CNTNAP5: variants seen among roughly 807,000 people sequenced by gnomAD.
The protein encoded by CNTNAP5 is contactin associated protein family member 5.
Under a neutral mutation model 150.2 loss-of-function variants are expected in CNTNAP5, and 72 were observed. The observed-to-expected ratio is 0.48, with a 90% CI of 0.40 to 0.58. The LOEUF is 0.58. CNTNAP5 is among the 20% of genes least tolerant of loss of function. CNTNAP5 has a pLI of 0.00. For synonymous variants in CNTNAP5, 672 were observed against 619.8 expected (o/e 1.08, Z -1.25); for missense variants, 1,636 against 1,626.2 (o/e 1.01, Z -0.10).
chr2:124,230,679 A>G (rs1185764209), intron 2 of CNTNAP5, among the ~76,000 whole-genome samples: 1 of 151,810 alleles, frequency 6.6e-6, no homozygotes, highest in Non-Finnish European at 1.5e-5. Context: ...CTACAGGTGC[A>G]TGCCACTGTG....
intron 3 of CNTNAP5, among the ~76,000 whole-genome samples, chr2:124,396,272 T>C (rs1378177367): frequency 1.3e-5 from 2 of 152,208 alleles, no homozygotes; most frequent in Non-Finnish European, 2.9e-5. Context: ...AAGCAAAGTA[T>C]AAACAGGGCC....
chr2:124,148,314 A>T (rs1029544037), intron 1 of CNTNAP5, among the ~76,000 whole-genome samples: 2 of 150,908 alleles, frequency 1.3e-5, no homozygotes, highest in Non-Finnish European at 2.9e-5. Context: ...AAAAAGAAAG[A>T]AAAAAAAGAA....
At chr2:124,178,899 TTTTA>T (rs1685133260) in intron 1 of CNTNAP5, among the ~76,000 whole-genome samples, 3 of 147,760 alleles carry the variant, frequency 2.0e-5, no homozygotes, top group Admixed American at 1.4e-4. Context: ...GCTCTCTGAT[TTTTA>T]TTTGTTATTT....
At chr2:124,648,644 AC>A (rs1223657624) in intron 13 of CNTNAP5, among the ~76,000 whole-genome samples, 1 of 152,234 alleles carries the variant, frequency 6.6e-6, no homozygotes, top group African/African-American at 2.4e-5. Context: ...AGGAAAAAAA[AC>A]AAAACAAAAC....
At chr2:124,275,942 C>A (rs529001451) in intron 3 of CNTNAP5, among the ~76,000 whole-genome samples, 1 of 152,224 alleles carries the variant, frequency 6.6e-6, no homozygotes, top group African/African-American at 2.4e-5. Context: ...AGTTGCCCTG[C>A]CAAGTTTGCT....
At chr2:124,074,871 T>A (rs1202553021) in intron 1 of CNTNAP5, among the ~76,000 whole-genome samples, 1 of 152,166 alleles carries the variant, frequency 6.6e-6, no homozygotes, top group African/African-American at 2.4e-5. Flanking sequence ...CCTATTGTTA[T>A]TTGATTCCTA....
intron 3 of CNTNAP5, among the ~76,000 whole-genome samples, chr2:124,366,605 A>G (rs1278091120): frequency 6.6e-6 from 1 of 152,146 alleles, no homozygotes; most frequent in Non-Finnish European, 1.5e-5. Flanking sequence ...TTTAAAGAGA[A>G]GCAGTAGCGT....
chr2:124,598,850 G>A (rs192168393), intron 11 of CNTNAP5, among the ~76,000 whole-genome samples: 31 of 152,270 alleles, frequency 2.0e-4, no homozygotes, highest in African/African-American at 5.5e-4. Flanking sequence ...CTTGTGGTGC[G>A]CCGTTTTTTA....
intron 1 of CNTNAP5, among the ~76,000 whole-genome samples, chr2:124,052,584 C>A (rs1681727880): frequency 6.6e-6 from 1 of 152,228 alleles, no homozygotes; most frequent in South Asian, 2.1e-4. Flanking sequence ...ACAATTATTA[C>A]TAACCCTTTT....
At chr2:124,396,829 G>A (rs188200448) in intron 3 of CNTNAP5, among the ~76,000 whole-genome samples, 3 of 152,186 alleles carry the variant, frequency 2.0e-5, no homozygotes, top group African/African-American at 4.8e-5. Context: ...TAGCAATAAC[G>A]ATAACGATAA....
intron 5 of CNTNAP5, among the ~76,000 whole-genome samples, chr2:124,438,259 G>A (rs1444782963): frequency 3.3e-5 from 5 of 151,986 alleles, no homozygotes; most frequent in Non-Finnish European, 5.9e-5. Context: ...TCCATAAGGG[G>A]TTAGATATGT....
chr2:124,262,717 G>A (rs1461638393), intron 3 of CNTNAP5, among the ~76,000 whole-genome samples: 1 of 151,112 alleles, frequency 6.6e-6, no homozygotes, highest in African/African-American at 2.4e-5. Flanking sequence ...TGTTACATAT[G>A]TATATATGTG....
intron 1 of CNTNAP5, among the ~76,000 whole-genome samples, chr2:124,037,023 C>A (rs756971560): frequency 6.6e-6 from 1 of 152,178 alleles, no homozygotes; most frequent in Non-Finnish European, 1.5e-5. Context: ...GTGAGAAAAC[C>A]CTCATGTGTC....
chr2:124,218,081 T>G (rs1271474389), intron 1 of CNTNAP5, among the ~76,000 whole-genome samples: 1 of 151,970 alleles, frequency 6.6e-6, no homozygotes, highest in East Asian at 1.9e-4. Flanking sequence ...ATTCTTCCTT[T>G]GCTTTAAGAA....
At chr2:124,205,113 C>T (rs1301694138) in intron 1 of CNTNAP5, among the ~76,000 whole-genome samples, 2 of 152,088 alleles carry the variant, frequency 1.3e-5, no homozygotes, top group African/African-American at 2.4e-5. Flanking sequence ...ACGGTGTGAC[C>T]GTGTCCCCAC....
intron 1 of CNTNAP5, among the ~76,000 whole-genome samples, chr2:124,190,205 T>G (rs183964256): frequency 6.6e-6 from 1 of 152,324 alleles, no homozygotes; most frequent in Admixed American, 6.5e-5. Flanking sequence ...AAAGATTTAT[T>G]GCTTTGGTGG....
intron 6 of CNTNAP5, among the ~76,000 whole-genome samples, chr2:124,459,439 G>T (rs1198346850): frequency 6.6e-6 from 1 of 152,134 alleles, no homozygotes; most frequent in Non-Finnish European, 1.5e-5. Context: ...ATACAAAATT[G>T]TTTAGCTCAA....
chr2:124,501,675 G>A (rs956959062), intron 7 of CNTNAP5, among the ~76,000 whole-genome samples: 3 of 152,096 alleles, frequency 2.0e-5, no homozygotes, highest in African/African-American at 7.2e-5. Flanking sequence ...CCTCCCTTTG[G>A]TGAATAGGGG....
chr2:124,494,983 C>T (rs956147527), intron 7 of CNTNAP5, among the ~76,000 whole-genome samples: 1 of 151,934 alleles, frequency 6.6e-6, no homozygotes, highest in Non-Finnish European at 1.5e-5. Context: ...ATAAAAATTG[C>T]CATAATTCCA....
Sources: allele counts gnomAD v4.1 joint callset (sites outside exome capture counted in the v4.1 genomes callset), GRCh38; gene constraint gnomAD v4.1.1; transcripts MANE v1.5; gene names NCBI Gene and HGNC (gene_info 2026-07-23, HGNC 2026-07-21).